Variants in PTPRG observed in about 807,000 individuals in gnomAD.
PTPRG encodes the protein receptor-type tyrosine-protein phosphatase gamma.
Under a neutral mutation model 165.3 loss-of-function variants are expected in PTPRG, and 102 were observed. The observed-to-expected ratio is 0.62, with a 90% CI of 0.53 to 0.73. The LOEUF (loss-of-function observed/expected upper bound fraction) is 0.73. Among genes scored for constraint, PTPRG ranks in the 30% least tolerant of loss-of-function variants. PTPRG has a pLI of 0.00. For missense variants in PTPRG, 1,866 were observed against 1,861.4 expected (o/e 1.00, Z -0.05); for synonymous variants, 675 against 669.5 (o/e 1.01, Z -0.13).
chr3:62,128,000 T>A (rs1305340424), intron 5 of PTPRG, among the ~76,000 whole-genome samples: 2 of 152,192 alleles, frequency 1.3e-5, no homozygotes, highest in African/African-American at 2.4e-5. Flanking sequence ...CATGAGCGTT[T>A]ATGTGAATTT....
intron 2 of PTPRG, among the ~76,000 whole-genome samples, chr3:61,865,930 G>T (rs1313192359): frequency 2.0e-5 from 3 of 152,168 alleles, no homozygotes; most frequent in Non-Finnish European, 4.4e-5. Context: ...CCTATAGGCT[G>T]TTGCCACAAG....
intron 4 of PTPRG, among the ~76,000 whole-genome samples, chr3:62,047,334 G>A (rs574899410): frequency 2.0e-5 from 3 of 151,768 alleles, no homozygotes; most frequent in Non-Finnish European, 4.4e-5. Flanking sequence ...ATCTCAGCTC[G>A]CTGCAACCTC....
At chr3:61,891,392 A>G (rs1282225666) in intron 2 of PTPRG, among the ~76,000 whole-genome samples, 2 of 152,198 alleles carry the variant, frequency 1.3e-5, no homozygotes, top group Non-Finnish European at 2.9e-5. Context: ...GCTTGACTCT[A>G]TCCCTTGAAA....
At chr3:62,024,981 C>G (rs999957611) in intron 4 of PTPRG, among the ~76,000 whole-genome samples, 9 of 152,128 alleles carry the variant, frequency 5.9e-5, no homozygotes, top group African/African-American at 2.2e-4. Context: ...CTAACCCTAG[C>G]AATTTCTTGT....
At chr3:61,866,953 G>A (rs563128525) in intron 2 of PTPRG, among the ~76,000 whole-genome samples, 20 of 152,262 alleles carry the variant, frequency 1.3e-4, no homozygotes, top group African/African-American at 4.8e-4. Flanking sequence ...AGAGACCACA[G>A]GAGTGCTAGA....
At chr3:62,181,357 C>G (rs1198246973) in intron 8 of PTPRG, among the ~76,000 whole-genome samples, 1 of 152,194 alleles carries the variant, frequency 6.6e-6, no homozygotes, top group Non-Finnish European at 1.5e-5. Context: ...ATTCCCTGCT[C>G]ACAGTCACAC....
At chr3:61,984,496 G>A (rs545121366) in intron 2 of PTPRG, among the ~76,000 whole-genome samples, 17 of 151,914 alleles carry the variant, frequency 1.1e-4, no homozygotes, top group African/African-American at 3.9e-4. Context: ...CCATAGACAC[G>A]GCCTAAGTGC....
chr3:61,605,291 TG>T (rs1201115569), intron 1 of PTPRG, among the ~76,000 whole-genome samples: 1 of 152,286 alleles, frequency 6.6e-6, no homozygotes, highest in East Asian at 1.9e-4. Context: ...AGTCTTGCTC[TG>T]TCACCCAGGC....
chr3:61,881,216 G>GT (rs1430721518), intron 2 of PTPRG, among the ~76,000 whole-genome samples: 1 of 152,142 alleles, frequency 6.6e-6, no homozygotes, highest in South Asian at 2.1e-4. Context: ...CCGATAGATT[G>GT]TAAGTCTGTG....
intron 1 of PTPRG, among the ~76,000 whole-genome samples, chr3:61,717,837 G>A (rs2031871643): frequency 6.6e-6 from 1 of 151,868 alleles, no homozygotes; most frequent in South Asian, 2.1e-4. Flanking sequence ...TTTATTGTAG[G>A]TATTAGAACA....
At chr3:62,114,579 CAG>C (rs1702792982) in intron 5 of PTPRG, among the ~76,000 whole-genome samples, 1 of 152,148 alleles carries the variant, frequency 6.6e-6, no homozygotes, top group Non-Finnish European at 1.5e-5. Flanking sequence ...AGTTATGTAA[CAG>C]AGTCAGTAAG....
intron 1 of PTPRG, among the ~76,000 whole-genome samples, chr3:61,703,129 C>T (rs969564607): frequency 2.6e-5 from 4 of 152,082 alleles, no homozygotes; most frequent in African/African-American, 7.2e-5. Flanking sequence ...GTATTTCTCC[C>T]CAGGTAAGGA....
At chr3:61,997,979 A>G (rs2041079380) in intron 3 of PTPRG, among the ~76,000 whole-genome samples, 1 of 152,162 alleles carries the variant, frequency 6.6e-6, no homozygotes, top group African/African-American at 2.4e-5. Context: ...ACTCTTGGCA[A>G]CGGTGCATCA....
At chr3:62,106,346 C>T (rs1189958821) in intron 5 of PTPRG, among the ~76,000 whole-genome samples, 1 of 152,150 alleles carries the variant, frequency 6.6e-6, no homozygotes, top group African/African-American at 2.4e-5. Flanking sequence ...CTAAGCAGGG[C>T]ATTGCTGAAA....
rs564761041 is a variant in PTPRG at position 62,166,197 on chromosome 3, C to CTTTT, written c.841-1741_841-1738dup. 4.4e-4 allele frequency among the ~76,000 whole-genome samples: 24 copies of CTTTT among 53,934 alleles called. 8 individuals carry two copies. Among genetic ancestry groups the CTTTT allele is most frequent in the South Asian group, 8.1e-4 (1 of 1,228 alleles). 35.4% of individuals were successfully genotyped at this position (53,934 alleles called of 152,430 possible). ...TGGCTGCATATTTCAAATTACAGTT[C>CTTTT]TTTTTTTTTTTTTTTTTTTTTTTTT... On this transcript the variant is annotated intron_variant, in intron 7 of 29. Transcript: ENST00000474889.
At chr3:62,007,155 A>C (rs111830226) in intron 4 of PTPRG, among the ~76,000 whole-genome samples, 7 of 152,236 alleles carry the variant, frequency 4.6e-5, no homozygotes, top group African/African-American at 1.4e-4. Context: ...CATGTGCCCC[A>C]CAAGAAGCTG....
chr3:61,581,609 C>CTT (rs138750100), intron 1 of PTPRG, among the ~76,000 whole-genome samples: 1 of 137,106 alleles, frequency 7.3e-6, no homozygotes. Flanking sequence ...TTCTTTTTTT[C>CTT]TTTTTTTTTT....
At chr3:61,675,417 T>G (rs540760448) in intron 1 of PTPRG, among the ~76,000 whole-genome samples, 1 of 152,124 alleles carries the variant, frequency 6.6e-6, no homozygotes, top group South Asian at 2.1e-4. Flanking sequence ...AAGTTTAATT[T>G]GTCTTTATAA....
intron 1 of PTPRG, among the ~76,000 whole-genome samples, chr3:61,661,749 ATAACAGAC>A (rs1172814043): frequency 2.0e-5 from 3 of 152,112 alleles, no homozygotes; most frequent in African/African-American, 7.2e-5. Flanking sequence ...GCATTCTTAT[ATAACAGAC>A]TCAGCCCTAG....
Sources: allele counts gnomAD v4.1 joint callset (sites outside exome capture counted in the v4.1 genomes callset), GRCh38; gene constraint gnomAD v4.1.1; transcripts MANE v1.5; gene names NCBI Gene and HGNC (gene_info 2026-07-23, HGNC 2026-07-21).